Variants in MYH13 observed in about 807,000 individuals in gnomAD.
MYH13 encodes the protein myosin heavy chain 13.
In MYH13, 177 loss-of-function variants were observed where a neutral mutation model predicts 232.1. The observed-to-expected ratio is 0.76, with a 90% CI of 0.67 to 0.86. The LOEUF is 0.86. Ranked by LOEUF, MYH13 falls within the 40% of genes least tolerant of loss-of-function variation. The probability of loss-of-function intolerance (pLI) is 0.00; values close to 1 mark genes in which losing one functional copy is unlikely to be tolerated. For missense variants in MYH13, 2,246 were observed against 2,405.9 expected (o/e 0.93, Z 1.39); for synonymous variants, 884 against 923.5 (o/e 0.96, Z 0.78).
intron 8 of MYH13, among the ~76,000 whole-genome samples, chr17:10,357,279 C>T (rs902515550): frequency 8.5e-5 from 13 of 152,130 alleles, no homozygotes; most frequent in African/African-American, 3.1e-4. Context: ...AATTTTTGAG[C>T]TCTTCTGCCT....
chr17:10,309,406 C>A lies in MYH13; in HGVS notation c.4997G>T (p.Arg1666Met). 6.2e-7 allele frequency: 1 copy of A among 1,608,704 alleles called. No homozygotes were observed. Among genetic ancestry groups the A allele is most frequent in the Non-Finnish European group, 8.5e-7 (1 of 1,177,468 alleles). Residue 1666 changes from arginine to methionine, a missense_variant, in exon 35 of 41, where the codon AGG becomes ATG. By Grantham distance (91) the Arg-to-Met change is moderately conservative. Coordinates refer to ENST00000252172, the MANE Select transcript of MYH13 (RefSeq NM_003802.3). ...DSQLHLDDAL[R>M]SNEDLKEQLA... Reference sequence around the variant, plus strand: ...CTGCTCCTTGAGGTCCTCATTGCTCCTCAGGGCGTCATCGAGATGCAGCTG... The same window carrying A: ...CTGCTCCTTGAGGTCCTCATTGCTCATCAGGGCGTCATCGAGATGCAGCTG...
intron 18 of MYH13, among the ~76,000 whole-genome samples, chr17:10,338,078 G>A (rs1033891589): frequency 2.0e-5 from 3 of 152,044 alleles, no homozygotes; most frequent in Non-Finnish European, 2.9e-5. Context: ...TAAGCCAGTG[G>A]ATTACCAAAA....
chr17:10,306,808 A>T lies in MYH13; in HGVS notation c.5295+131T>A. 1 of 1,542,724 alleles carries T rather than the reference A, an allele frequency of 6.5e-7. No individual in the cohort carries two copies. The highest frequency in any genetic ancestry group is 8.7e-7 in the Non-Finnish European group (1 of 1,147,180). ...GCCACTGCTGAGACTGTACCTCATTACATCTGTCTGGGAAGCCACCACTAA... is the reference window on the plus strand; with the variant it reads ...GCCACTGCTGAGACTGTACCTCATTTCATCTGTCTGGGAAGCCACCACTAA... On this transcript the variant is annotated intron_variant, in intron 36 of 40. Coordinates refer to ENST00000252172, the MANE Select transcript of MYH13 (RefSeq NM_003802.3). This position sits in a 1 kb window ranked among gnomAD's most constrained non-coding sequence, Gnocchi z 4.3.
chr17:10,310,043 G>A (rs897025139), intron 33 of MYH13, among the ~76,000 whole-genome samples: 13 of 148,806 alleles, frequency 8.7e-5, no homozygotes, highest in South Asian at 2.1e-4. Context: ...CTCCTAAAGT[G>A]TTGGGATTAC....
At chr17:10,340,283 C>G in intron 17 of MYH13, 45 bp downstream of exon 17, 3 of 1,613,482 alleles carry the variant, frequency 1.9e-6, no homozygotes, top group Non-Finnish European at 2.5e-6. Context: ...TGCCATTTCA[C>G]TGGGGAGAAA....
At chr17:10,358,169 C>T (rs1448471055) in intron 7 of MYH13, among the ~76,000 whole-genome samples, 3 of 152,064 alleles carry the variant, frequency 2.0e-5, no homozygotes, top group Non-Finnish European at 4.4e-5. Context: ...TCTGTTATTG[C>T]ATGTAATATG....
chr17:10,312,471 C>T (rs1396007487), intron 31 of MYH13, 103 bp downstream of exon 31: 4 of 1,369,256 alleles, frequency 2.9e-6, no homozygotes, highest in Non-Finnish European at 4.0e-6. Context: ...CACTGCAAAA[C>T]ATTTGTCCCT....
rs1260810100 is a variant in MYH13 at position 10,315,693 on chromosome 17, C to G, written c.3984G>C (p.Lys1328Asn). ...ELKRQMEEET[K>N]AKNAMAHALQ... The stretch of plus-strand genomic sequence containing the variant: ...GTTCAATCTGACTCTATATCTTTAC[C>G]TTGGTTTCTTCTTCCATTTGCCTCT... Residue 1328 changes from lysine to asparagine, a missense_variant and splice_region_variant, in exon 29 of 41, where the codon AAG (lysine) becomes AAC (asparagine). Transcript: ENST00000252172. The G allele has an allele frequency of 6.2e-6, 10 of 1,613,364 alleles. No homozygotes were observed. The highest frequency in any genetic ancestry group is 2.2e-5 in the East Asian group (1 of 44,884).
At chr17:10,342,826 C>T (rs1296975265) in intron 16 of MYH13, among the ~76,000 whole-genome samples, 3 of 151,970 alleles carry the variant, frequency 2.0e-5, no homozygotes, top group Non-Finnish European at 4.4e-5. Context: ...CATGATGGCT[C>T]GTGCCTATAA....
chr17:10,346,608 T>C (rs1217507867), intron 13 of MYH13, 72 bp downstream of exon 13: 1 of 1,210,712 alleles, frequency 8.3e-7, no homozygotes, highest in African/African-American at 1.5e-5. Context: ...TACCTGCAAC[T>C]GAAGGAGCTT....
rs1054513294 is a variant in MYH13, at chr17:10,306,591, G to C, written c.5334C>G (p.Asp1778Glu). 1.9e-6 allele frequency: 3 copies of C among 1,613,958 alleles called. No homozygotes were observed. In the African/African-American group the frequency reaches 4.0e-5, roughly 22 times the overall value. Residue 1778 changes from aspartate to glutamate, a missense_variant, in exon 37 of 41, where the codon GAC (aspartate) becomes GAG (glutamate). Asp to Glu is a conservative substitution (Grantham distance 45). Transcript: ENST00000252172. The surrounding 1 kb of genome is among the most constrained non-coding windows in gnomAD (Gnocchi z 4.3). ...MMAEELKKEQ[D>E]TSAHLERMKK... The stretch of plus-strand genomic sequence containing the variant: ...TCATCCGCTCCAGGTGGGCGCTGGT[G>C]TCCTGTTCCTTCTTTAGCTCCTCAG...
chr17:10,303,345 G>A (rs1429467628), intron 38 of MYH13, 49 bp downstream of exon 38: 4 of 1,612,096 alleles, frequency 2.5e-6, no homozygotes, highest in South Asian at 1.1e-5. Context: ...CACTTCTGAT[G>A]GGGCTTGGTC....
chr17:10,323,917 G>T (rs1212028741), intron 23 of MYH13, 105 bp downstream of exon 23: 2 of 1,445,668 alleles, frequency 1.4e-6, no homozygotes, highest in South Asian at 2.9e-5. Flanking sequence ...CTCATTTCTG[G>T]GCAATGTTAT....
chr17:10,318,792 T>C lies in MYH13; in HGVS notation c.3736A>G (p.Lys1246Glu), dbSNP rs780510229. 6.2e-7 allele frequency: 1 copy of C among 1,613,956 alleles called. No individual in the cohort carries two copies. Among genetic ancestry groups the C allele is most frequent in the Admixed American group, 1.7e-5 (1 of 60,008 alleles). The change falls in exon 27 of 41, where the codon AAG becomes GAG. Residue 1246 changes from lysine (K) to glutamate (E), a missense_variant and splice_region_variant. By Grantham distance (56) the Lys-to-Glu change is moderately conservative (BLOSUM62 1). Transcript: ENST00000252172. The part of the protein sequence containing the change: ...ASNIEALSKS[K>E]SNIERTCRTV... ...GAGCAGAAGGGCCAGTCAGGTACCTTTGACTTGGAGAGAGCCTCGATGTTG... is the reference window on the plus strand; with the variant it reads ...GAGCAGAAGGGCCAGTCAGGTACCTCTGACTTGGAGAGAGCCTCGATGTTG...
intron 22 of MYH13, among the ~76,000 whole-genome samples, chr17:10,327,430 G>C (rs902378077): frequency 3.3e-5 from 5 of 152,130 alleles, no homozygotes; most frequent in Non-Finnish European, 5.9e-5. Flanking sequence ...ACAGGCATGA[G>C]CTACCACGCC....
intron 35 of MYH13, 100 bp downstream of exon 35, chr17:10,309,134 G>C: frequency 8.0e-7 from 1 of 1,257,390 alleles, no homozygotes; most frequent in Non-Finnish European, 1.1e-6. Flanking sequence ...TTCCCACGGC[G>C]TGGGCCCTGA....
chr17:10,347,822 C>T (rs1219707554), intron 12 of MYH13, among the ~76,000 whole-genome samples: 2 of 150,578 alleles, frequency 1.3e-5, no homozygotes, highest in Admixed American at 6.7e-5. Flanking sequence ...GGGTTCACGC[C>T]ATTCTCCTGC....
At chr17:10,338,854 C>T (rs1342470086) in intron 18 of MYH13, among the ~76,000 whole-genome samples, 2 of 152,048 alleles carry the variant, frequency 1.3e-5, no homozygotes, top group African/African-American at 2.4e-5. Context: ...GCGCCCGCCA[C>T]CACGCCCAGC....
At chr17:10,321,104 G>A (rs184857232) in intron 24 of MYH13, among the ~76,000 whole-genome samples, 6 of 152,242 alleles carry the variant, frequency 3.9e-5, no homozygotes, top group Admixed American at 1.3e-4. Context: ...GTCATGTGAC[G>A]GGGGCAGAAA....
Sources: allele counts gnomAD v4.1 joint callset (sites outside exome capture counted in the v4.1 genomes callset), GRCh38; gene constraint gnomAD v4.1.1; non-coding constraint Gnocchi (gnomAD v3.1); transcripts MANE v1.5; gene names NCBI Gene and HGNC (gene_info 2026-07-23, HGNC 2026-07-21).